Variants in SERINC5 observed in about 807,000 individuals in gnomAD.
SERINC5 encodes serine incorporator 5.
In SERINC5, 41 loss-of-function variants were observed where a neutral mutation model predicts 63.1. The observed-to-expected ratio is 0.65, with a 90% CI of 0.51 to 0.84. SERINC5 has a LOEUF of 0.84. Among genes scored for constraint, SERINC5 ranks in the 40% least tolerant of loss-of-function variants. The pLI is 0.00. For missense variants in SERINC5, 523 were observed against 573.0 expected, an observed-to-expected ratio of 0.91 and a Z score of 0.89; for synonymous variants, 222 against 215.2, an observed-to-expected ratio of 1.03 and a Z score of -0.28.
chr5:80,214,363 C>T (rs1750568143), intron 1 of SERINC5, among the ~76,000 whole-genome samples: 1 of 152,146 alleles, frequency 6.6e-6, no homozygotes, highest in African/African-American at 2.4e-5. Flanking sequence ...CTGCAACAAG[C>T]ATACATCTTA....
At chr5:80,210,825 T>G (rs771215762) in intron 1 of SERINC5, among the ~76,000 whole-genome samples, 5 of 152,154 alleles carry the variant, frequency 3.3e-5, no homozygotes, top group Non-Finnish European at 7.4e-5. Context: ...TGTCATCACT[T>G]GTAAGTCGAA....
chr5:80,163,793 C>T (rs986928657), intron 7 of SERINC5, among the ~76,000 whole-genome samples: 2 of 151,968 alleles, frequency 1.3e-5, no homozygotes, highest in African/African-American at 4.8e-5. Context: ...GAAGATTTTT[C>T]CATCTATGTT....
chr5:80,212,104 C>T (rs1245293545), intron 1 of SERINC5, among the ~76,000 whole-genome samples: 2 of 152,140 alleles, frequency 1.3e-5, no homozygotes, highest in African/African-American at 4.8e-5. Flanking sequence ...TCATTCAGTC[C>T]CTTTTCCTAA....
chr5:80,223,833 TAGAA>T (rs1751033850), intron 1 of SERINC5, among the ~76,000 whole-genome samples: 1 of 151,870 alleles, frequency 6.6e-6, no homozygotes, highest in Admixed American at 6.6e-5. Flanking sequence ...ACGAGAAAGT[TAGAA>T]AAGTCAAGCC....
chr5:80,153,052 T>C (rs116051509), intron 8 of SERINC5, among the ~76,000 whole-genome samples: 1,853 of 152,324 alleles, frequency 0.012, 29 homozygotes, highest in Non-Finnish European at 0.018. Context: ...CACTTCACCA[T>C]CAAAGAGGCC....
intron 7 of SERINC5, among the ~76,000 whole-genome samples, chr5:80,160,274 A>C (rs1580084717): frequency 6.6e-6 from 1 of 152,196 alleles, no homozygotes; most frequent in East Asian, 1.9e-4. Flanking sequence ...TTGTAGTGTG[A>C]AACAGTAAGA....
intron 1 of SERINC5, among the ~76,000 whole-genome samples, chr5:80,236,038 T>C (rs1389907367): frequency 8.9e-6 from 1 of 112,322 alleles, no homozygotes; most frequent in Admixed American, 8.6e-5. Context: ...ACCCATTTTA[T>C]CACGGTTAAA....
At chr5:80,183,651 G>C (rs1430130679) in intron 2 of SERINC5, among the ~76,000 whole-genome samples, 1 of 152,040 alleles carries the variant, frequency 6.6e-6, no homozygotes, top group Non-Finnish European at 1.5e-5. Context: ...TTAACCCTGT[G>C]AATTTCCTTC....
At chr5:80,180,691 T>G (rs774165316) in intron 2 of SERINC5, among the ~76,000 whole-genome samples, 2 of 152,186 alleles carry the variant, frequency 1.3e-5, no homozygotes, top group Non-Finnish European at 2.9e-5. Context: ...TCTCCTGAGA[T>G]TTTAACTAGT....
intron 1 of SERINC5, chr5:80,255,167 C>T (rs1454876119): frequency 6.6e-6 from 1 of 152,190 alleles, no homozygotes; most frequent in African/African-American, 2.4e-5. Context: ...GATGCAGTAA[C>T]TGGTAGGAGA....
chr5:80,117,078 G>A (rs1273835955), intron 11 of SERINC5, among the ~76,000 whole-genome samples: 21 of 151,970 alleles, frequency 1.4e-4, no homozygotes, highest in African/African-American at 4.6e-4. Context: ...CGATCCGCCC[G>A]CCTCAGCCTC....
intron 11 of SERINC5, among the ~76,000 whole-genome samples, chr5:80,121,421 GT>G (rs777706395): frequency 2.0e-5 from 3 of 152,076 alleles, no homozygotes; most frequent in Non-Finnish European, 4.4e-5. Flanking sequence ...CTGTCCCCTA[GT>G]TATTCACAAA....
In SERINC5 at chr5:80,238,922, A is replaced by ACATC. The variant is rs371880311; in HGVS notation, c.27+16970_27+16973dup. Among the ~76,000 whole-genome samples the ACATC allele has an allele frequency of 3.9e-3, 597 of 152,320 alleles. 4 individuals are homozygous for ACATC. Among genetic ancestry groups the ACATC allele is most frequent in the African/African-American group, 0.014 (577 of 41,574 alleles). ...GCAGATTATCTTTGGGAAAAGCCCA[A>ACATC]CATCCACTCATTCACGCTCTCGTCA... is the stretch of plus-strand genomic sequence containing the variant. On this transcript the variant is annotated intron_variant, in intron 1 of 11. Coordinates refer to ENST00000507668, the MANE Select transcript of SERINC5 (RefSeq NM_001174072.3).
At chr5:80,183,783 C>G (rs141735380) in intron 2 of SERINC5, among the ~76,000 whole-genome samples, 2 of 152,148 alleles carry the variant, frequency 1.3e-5, no homozygotes, top group African/African-American at 4.8e-5. Flanking sequence ...GGCCCCACCC[C>G]TATCTCCCTT....
At chr5:80,133,986 TCCATCGAGTGC>T (rs1745052052), downstream of SERINC5, among the ~76,000 whole-genome samples, 1 of 152,182 alleles carries the variant, frequency 6.6e-6, no homozygotes, top group African/African-American at 2.4e-5. Flanking sequence ...GGACAGCTGA[TCCATCGAGTGC>T]AGGGTCTCCA....
downstream of SERINC5, among the ~76,000 whole-genome samples, chr5:80,135,722 C>T (rs530015821): frequency 5.9e-5 from 9 of 151,814 alleles, no homozygotes; most frequent in Admixed American, 2.0e-4. Flanking sequence ...TTTATTGTGG[C>T]GAGTTCAAGT....
downstream of SERINC5, among the ~76,000 whole-genome samples, chr5:80,134,676 G>A (rs1006335612): frequency 2.0e-5 from 3 of 152,154 alleles, no homozygotes; most frequent in Non-Finnish European, 4.4e-5. Context: ...TTATGCAAAG[G>A]TGGTTTCGAT....
intron 2 of SERINC5, among the ~76,000 whole-genome samples, chr5:80,187,998 C>T (rs1748932254): frequency 6.6e-6 from 1 of 152,102 alleles, no homozygotes. Context: ...AAACTGAAGG[C>T]AGAAGGCTGG....
In SERINC5 at chr5:80,140,068, G is replaced by A. The variant is rs1013009827; in HGVS notation, c.*3595C>T. 15 of 983,330 alleles carry A rather than the reference G, an allele frequency of 1.5e-5. No homozygotes were observed. The highest frequency in any genetic ancestry group is 1.4e-4 in the South Asian group (3 of 21,260). 60.9% of individuals were successfully genotyped at this position (983,330 alleles called of 1,614,324 possible). ...GGGTAGGCTGCGTGCAGTGGTTTAC[G>A]CCTATAATCCCAGCACTTTGGGAAG... On this transcript the variant is annotated 3_prime_UTR_variant, in exon 12 of 12. Transcript: ENST00000507668.
Sources: gnomAD v4.1 joint callset for allele counts (sites outside exome capture counted in the v4.1 genomes callset) on GRCh38, gnomAD v4.1.1 for gene constraint, MANE v1.5 for transcripts, NCBI Gene and HGNC (gene_info 2026-07-23, HGNC 2026-07-21) for gene names.